The following BTNL3 variants were observed in gnomAD, a reference collection of about 807,000 sequenced individuals.
The protein encoded by BTNL3 is butyrophilin-like protein 3.
Under a neutral mutation model 40.1 loss-of-function variants are expected in BTNL3, and 20 were observed. That is an observed-to-expected ratio of 0.50 (90% CI 0.35 to 0.72). The LOEUF is 0.72. BTNL3 is among the 30% of genes least tolerant of loss of function. The pLI is 0.01. For missense variants in BTNL3, 449 were observed against 582.2 expected (o/e 0.77, Z 2.35); for synonymous variants, 179 against 222.1 (o/e 0.81, Z 1.73).
intron 3 of BTNL3, among the ~76,000 whole-genome samples, chr5:180,998,144 G>A (rs770754421): frequency 2.2e-5 from 3 of 135,630 alleles, no homozygotes; most frequent in Non-Finnish European, 3.4e-5. Flanking sequence ...TTCATAAGAG[G>A]AAAAATGTAG....
chr5:180,990,067 C>T lies in BTNL3; in HGVS notation c.49+990C>T, dbSNP rs893500915. ...CCCAGCTACTCGGGAGGCTGAGGCA[C>T]GAGAATCACTTAAACCCAGGAGGCG... On this transcript the variant is annotated intron_variant, in intron 1 of 7. Transcript: ENST00000342868. Among the ~76,000 whole-genome samples the T allele has an allele frequency of 4.4e-5, 6 of 136,194 alleles. 2 individuals carry two copies. The highest frequency in any genetic ancestry group is 4.4e-4 in the East Asian group (2 of 4,564). 89.3% of individuals were successfully genotyped at this position (136,194 alleles called of 152,430 possible). A position where few individuals can be genotyped will look rare whatever the true frequency, so the allele number is the denominator to read the frequency against.
Position 181,004,761 on chromosome 5 carries a change from A to G in BTNL3, c.861A>G (p.Ala287=), listed in dbSNP as rs893254603. Residue 287 remains alanine, a splice_region_variant and synonymous_variant, in exon 7 of 8, where the codon GCA becomes GCG. Transcript: ENST00000342868. ...AATTGAGAGACGCCCGGAAACACGC[A>G]GGTACCAACGCCTGAGAGGGTAACA... is the stretch of plus-strand genomic sequence containing the variant. ...QAELRDARKH[A]VEVTLDPETA... is the part of the protein sequence containing the mutation. The G allele has an allele frequency of 2.8e-5, 46 of 1,614,118 alleles. No individual in the cohort carries two copies. Among genetic ancestry groups the G allele is most frequent in the African/African-American group, 5.3e-5 (4 of 74,934 alleles).
At chr5:181,002,471 A>AATATATATAT (rs56895500) in intron 3 of BTNL3, among the ~76,000 whole-genome samples, 1,063 of 73,704 alleles carry the variant, frequency 0.014, 50 homozygotes, top group African/African-American at 0.017. Flanking sequence ...CACACACGTG[A>AATATATATAT]ATATATATAT....
chr5:181,001,508 G>T (rs1470380729), intron 3 of BTNL3, among the ~76,000 whole-genome samples: 2 of 127,410 alleles, frequency 1.6e-5, no homozygotes, highest in Non-Finnish European at 3.5e-5. Flanking sequence ...GATGGGGGGG[G>T]GTCTCACTTT....
rs1048710541 is a variant in BTNL3, at chr5:181,006,354, T to C, written c.*482T>C. 7 of 215,010 alleles carry C rather than the reference T, an allele frequency of 3.3e-5. No individual in the cohort carries two copies. The highest frequency in any genetic ancestry group is 5.8e-5 in the Admixed American group (1 of 17,184). The allele number at this position is 215,010 out of a possible 1,614,324, so 13.3% of individuals were successfully genotyped here. ...ACATTTTCCCACCATAAACTCTGTT[T>C]GCTTATTCCACATTAATTTACTTTT... is the stretch of plus-strand genomic sequence containing the variant. On this transcript the variant is annotated 3_prime_UTR_variant, in exon 8 of 8. Transcript: ENST00000342868.
Position 181,005,848 on chromosome 5 carries a change from C to A in BTNL3, c.1377C>A (p.Phe459Leu). The A allele has an allele frequency of 6.2e-7, 1 of 1,610,282 alleles. No homozygotes were observed. Among genetic ancestry groups the A allele is most frequent in the Non-Finnish European group, 8.5e-7 (1 of 1,177,994 alleles). The change falls in exon 8 of 8, where the codon TTC (phenylalanine) becomes TTA (leucine). Residue 459 changes from phenylalanine (F) to leucine (L), a missense_variant. By Grantham distance (22) the Phe-to-Leu change is conservative. Coordinates refer to ENST00000342868, the MANE Select transcript of BTNL3 (RefSeq NM_197975.3). ...ACGAGGAAAAGGGGACTCCCATATT[C>A]ATATGTCCAGTGTCCTGGGGATGAG... Reference protein sequence around the residue: ...MYDEEKGTPIFICPVSWG With the variant: ...MYDEEKGTPILICPVSWG
In BTNL3 at chr5:180,993,837, G is replaced by A. The variant is rs187636406; in HGVS notation, c.397+677G>A. Among the ~76,000 whole-genome samples the A allele has an allele frequency of 2.1e-3, 282 of 136,142 alleles. 70 individuals are homozygous for A. The highest frequency in any genetic ancestry group is 3.8e-3 in the Non-Finnish European group (229 of 59,548). The allele number at this position is 136,142 out of a possible 152,430, so 89.3% of individuals were successfully genotyped here. A position where few individuals can be genotyped will look rare whatever the true frequency, so the allele number is the denominator to read the frequency against. ...TTTTTCTTTGAGACAGTCTTGTCCC[G>A]TCACCCAGGCTGGAGTGCAGTGGTG... On this transcript the variant is annotated intron_variant, in intron 2 of 7. Coordinates refer to ENST00000342868, the MANE Select transcript of BTNL3 (RefSeq NM_197975.3).
At position 180,989,939 on chromosome 5, in the gene BTNL3, C is replaced by T. The variant is rs1323583559; in HGVS notation, c.49+862C>T. ...CTTTGGGAGGCTGAGGTGGGTGGATCACCTGAGGTCAGGAGTTTGAGACTA... is the reference window on the plus strand; with the variant it reads ...CTTTGGGAGGCTGAGGTGGGTGGATTACCTGAGGTCAGGAGTTTGAGACTA... On this transcript the variant is annotated intron_variant, in intron 1 of 7. Transcript: ENST00000342868. 1.5e-5 allele frequency among the ~76,000 whole-genome samples: 2 copies of T among 136,520 alleles called. 1 individual carries two copies. The highest frequency in any genetic ancestry group is 3.4e-5 in the Non-Finnish European group (2 of 59,656). 89.6% of individuals were successfully genotyped at this position (136,520 alleles called of 152,430 possible).
At chr5:181,000,657 T>C (rs1404393104) in intron 3 of BTNL3, among the ~76,000 whole-genome samples, 3 of 129,250 alleles carry the variant, frequency 2.3e-5, no homozygotes, top group African/African-American at 7.9e-5. Flanking sequence ...ATACAAAAAA[T>C]TAGCCGGGCG....
Position 181,001,567 on chromosome 5 carries a change from C to G in BTNL3, c.674-1105C>G, listed in dbSNP as rs1429232305. Among the ~76,000 whole-genome samples the G allele has an allele frequency of 1.5e-5, 2 of 133,972 alleles. 1 individual carries two copies. Among genetic ancestry groups the G allele is most frequent in the Non-Finnish European group, 3.4e-5 (2 of 58,872 alleles). 87.9% of individuals were successfully genotyped at this position (133,972 alleles called of 152,430 possible). On this transcript the variant is annotated intron_variant, in intron 3 of 7. Transcript: ENST00000342868. ...CCTGTCCTTAAGAAATCCTCCCGGC[C>G]AGGCGCGGTGGCTCATGCCTGTAAT...
chr5:180,988,851 C>A lies in BTNL3; in HGVS notation c.-178C>A. On this transcript the variant is annotated 5_prime_UTR_variant, in exon 1 of 8. Transcript: ENST00000342868. The stretch of plus-strand genomic sequence containing the variant: ...TGACTCAAACTCCAGTGCCCATACT[C>A]CTCATTCATACAGCCATGTTTAGGG... 1.4e-6 allele frequency: 1 copy of A among 706,434 alleles called. No homozygotes were observed. Among genetic ancestry groups the A allele is most frequent in the Non-Finnish European group, 2.3e-6 (1 of 442,654 alleles). 43.8% of individuals were successfully genotyped at this position (706,434 alleles called of 1,614,324 possible). A position where few individuals can be genotyped will look rare whatever the true frequency, so the allele number is the denominator to read the frequency against.
rs1013806713 is a variant in BTNL3 at position 181,001,472 on chromosome 5, T to G, written c.674-1200T>G. ...GTGTGCACCACCATGCCTGGCTAAT[T>G]TTTTTTAATTTTAAATATTTTTATA... On this transcript the variant is annotated intron_variant, in intron 3 of 7. Coordinates refer to ENST00000342868, the MANE Select transcript of BTNL3 (RefSeq NM_197975.3). Among the ~76,000 whole-genome samples, 4 of 120,350 alleles carry G rather than the reference T, an allele frequency of 3.3e-5. 1 individual carries two copies. The highest frequency in any genetic ancestry group is 7.5e-5 in the Non-Finnish European group (4 of 53,300). The allele number at this position is 120,350 out of a possible 152,430, so 79.0% of individuals were successfully genotyped here. A position where few individuals can be genotyped will look rare whatever the true frequency, so the allele number is the denominator to read the frequency against.
chr5:180,992,716 A>AT, intron 1 of BTNL3, 97 bp from the exon 2 acceptor site: 1 of 1,331,058 alleles, frequency 7.5e-7, no homozygotes, highest in Non-Finnish European at 1.0e-6. Context: ...AGACTGATGG[A>AT]TCCCCCACCC....
chr5:180,999,317 C>T lies in BTNL3; in HGVS notation c.673+1829C>T, dbSNP rs1450555897. Among the ~76,000 whole-genome samples, 2 of 135,130 alleles carry T rather than the reference C, an allele frequency of 1.5e-5. 1 individual carries two copies. Among genetic ancestry groups the T allele is most frequent in the Admixed American group, 1.6e-4 (2 of 12,560 alleles). The allele number at this position is 135,130 out of a possible 152,430, so 88.7% of individuals were successfully genotyped here. On this transcript the variant is annotated intron_variant, in intron 3 of 7. Transcript: ENST00000342868. ...TTAATACATCTAAAGTTAGACGGTT[C>T]GAAGTGTTATTAAAATAGATAAACT... is the stretch of plus-strand genomic sequence containing the variant.
rs542021698 is a variant in BTNL3, at chr5:180,994,228, T to C, written c.397+1068T>C. Among the ~76,000 whole-genome samples the C allele has an allele frequency of 7.5e-4, 103 of 137,758 alleles. 11 individuals are homozygous for C. Among genetic ancestry groups the C allele is most frequent in the African/African-American group, 2.5e-3 (99 of 40,094 alleles). The allele number at this position is 137,758 out of a possible 152,430, so 90.4% of individuals were successfully genotyped here. ...CTTTCTTTTATCATTTCCTTTCTGT[T>C]TGAAGAATTTCCTCCAGCCATCCTT... On this transcript the variant is annotated intron_variant, in intron 2 of 7. Transcript: ENST00000342868.
intron 3 of BTNL3, among the ~76,000 whole-genome samples, chr5:180,998,623 A>G (rs957770411): frequency 7.3e-6 from 1 of 137,258 alleles, no homozygotes; most frequent in African/African-American, 2.5e-5. Context: ...TATCATGCAC[A>G]TGAAATTCTC....
Position 181,001,578 on chromosome 5 carries a change from GCTCATGCCTGTAAT to G in BTNL3, c.674-1092_674-1079del, listed in dbSNP as rs1265040373. ...GAAATCCTCCCGGCCAGGCGCGGTGGCTCATGCCTGTAATCCCAGCACTTTGGGAGGCCGAGACG... is the reference window on the plus strand; with the variant it reads ...GAAATCCTCCCGGCCAGGCGCGGTGGCCCAGCACTTTGGGAGGCCGAGACG... On this transcript the variant is annotated intron_variant, in intron 3 of 7. Transcript: ENST00000342868. Among the ~76,000 whole-genome samples the G allele has an allele frequency of 1.5e-5, 2 of 134,338 alleles. 1 individual carries two copies. Among genetic ancestry groups the G allele is most frequent in the East Asian group, 4.4e-4 (2 of 4,504 alleles). 88.1% of individuals were successfully genotyped at this position (134,338 alleles called of 152,430 possible).
At chr5:180,992,213 C>T (rs1433325534) in intron 1 of BTNL3, among the ~76,000 whole-genome samples, 1 of 125,724 alleles carries the variant, frequency 8.0e-6, no homozygotes, top group Non-Finnish European at 1.8e-5. Flanking sequence ...ACACCATGTC[C>T]TTCAGAATAT....
rs755788330 is a variant in BTNL3 at position 181,004,726 on chromosome 5, T to C, written c.836-10T>C. 2 of 1,614,214 alleles carry C rather than the reference T, an allele frequency of 1.2e-6. No individual in the cohort carries two copies. Among genetic ancestry groups the C allele is most frequent in the South Asian group, 2.2e-5 (2 of 91,086 alleles). The stretch of plus-strand genomic sequence containing the variant: ...GCACGGAACTGCCTGCTCTCTCTGC[T>C]TGCTTTCAGAATTGAGAGACGCCCG... On this transcript the variant is annotated splice_polypyrimidine_tract_variant and intron_variant, in intron 6 of 7. Coordinates refer to ENST00000342868, the MANE Select transcript of BTNL3 (RefSeq NM_197975.3).
Sources: gnomAD v4.1 joint callset for allele counts (sites outside exome capture counted in the v4.1 genomes callset) on GRCh38, gnomAD v4.1.1 for gene constraint, MANE v1.5 for transcripts, NCBI Gene and HGNC (gene_info 2026-07-23, HGNC 2026-07-21) for gene names.